LAMB3: variants seen among roughly 807,000 people sequenced by gnomAD.
The protein encoded by LAMB3 is laminin subunit beta 3.
In LAMB3, 104 loss-of-function variants were observed where a neutral mutation model predicts 140.3. The ratio of observed to expected loss-of-function variants is 0.74; its 90% CI spans 0.63 to 0.87. The LOEUF is 0.87. Ranked by LOEUF, LAMB3 falls within the 40% of genes least tolerant of loss-of-function variation. The probability of loss-of-function intolerance (pLI) is 0.00; values close to 1 mark genes in which losing one functional copy is unlikely to be tolerated. For synonymous variants in LAMB3, 592 were observed against 602.9 expected (o/e 0.98, Z 0.26); for missense variants, 1,531 against 1,575.2 (o/e 0.97, Z 0.47).
chr1:209,641,564 T>A (rs969574872), intron 3 of LAMB3, among the ~76,000 whole-genome samples: 1 of 152,128 alleles, frequency 6.6e-6, no homozygotes, highest in South Asian at 2.1e-4. Context: ...TAGGGAAGTA[T>A]GCTAAAGGGT....
chr1:209,629,056 T>G (rs1375862325), intron 10 of LAMB3, among the ~76,000 whole-genome samples: 1 of 152,068 alleles, frequency 6.6e-6, no homozygotes. Flanking sequence ...CAACCCCCAC[T>G]CCCTGACTTC....
intron 3 of LAMB3, among the ~76,000 whole-genome samples, chr1:209,645,421 A>G (rs982313522): frequency 2.6e-5 from 4 of 152,132 alleles, no homozygotes; most frequent in African/African-American, 4.8e-5. Flanking sequence ...GGAAACAAAA[A>G]AGCAGATATT....
chr1:209,630,734 A>G lies in LAMB3; in HGVS notation c.824T>C (p.Val275Ala), dbSNP rs758985269. The change falls in exon 9 of 23, where the codon GTC becomes GCC. Residue 275 changes from valine to alanine, a missense_variant and splice_region_variant. By Grantham distance (64) the Val-to-Ala change is moderately conservative (BLOSUM62 0). Transcript: ENST00000356082. ...GTGCTGGCAGACACAGACATCGTGG[A>G]CCTGGGAGGGGGACCGTCAGCCATC... ...ASAGPSTAVQ[V>A]HDVCVCQHNT... 16 of 1,613,732 alleles carry G rather than the reference A, an allele frequency of 9.9e-6. No homozygotes were observed. The highest frequency in any genetic ancestry group is 1.4e-5 in the Non-Finnish European group (16 of 1,179,982).
At chr1:209,616,665 C>G (rs190847647) in intron 21 of LAMB3, 41 bp from the exon 22 acceptor site, 1 of 1,606,444 alleles carries the variant, frequency 6.2e-7, no homozygotes, top group East Asian at 2.2e-5. Context: ...TGTCATCATG[C>G]AAGGTCCTAA....
rs1205861639 is a variant in LAMB3 at position 209,628,202 on chromosome 1, C to T, written c.1133-12G>A. ...ATCACACTCGCAGGCTGAGAGACAA[C>T]AGCAGCCACCGCAGTAGGAACAAAG... On this transcript the variant is annotated splice_polypyrimidine_tract_variant and intron_variant, in intron 10 of 22. Coordinates refer to ENST00000356082, the MANE Select transcript of LAMB3 (RefSeq NM_000228.3). 1 of 1,553,736 alleles carries T rather than the reference C, an allele frequency of 6.4e-7. No homozygotes were observed. Among genetic ancestry groups the T allele is most frequent in the Non-Finnish European group, 8.7e-7 (1 of 1,148,186 alleles).
chr1:209,619,573 C>G (rs909409677), intron 18 of LAMB3, among the ~76,000 whole-genome samples: 1 of 152,208 alleles, frequency 6.6e-6, no homozygotes, highest in African/African-American at 2.4e-5. Flanking sequence ...TGAAACAATC[C>G]ATTTGCAAGA....
intron 1 of LAMB3, chr1:209,651,261 C>T (rs961294255): frequency 9.3e-6 from 4 of 430,132 alleles, no homozygotes; most frequent in Middle Eastern, 6.9e-4. Context: ...GGAGTGTGGA[C>T]CCTGCCCTAC....
intron 14 of LAMB3, among the ~76,000 whole-genome samples, chr1:209,624,624 G>A (rs1666348546): frequency 6.6e-6 from 1 of 152,210 alleles, no homozygotes; most frequent in South Asian, 2.1e-4. Context: ...CTCCATGCCT[G>A]TGTTTCCAAC....
chr1:209,648,215 C>A (rs1370417621), intron 3 of LAMB3, among the ~76,000 whole-genome samples: 1 of 152,152 alleles, frequency 6.6e-6, no homozygotes, highest in Non-Finnish European at 1.5e-5. Context: ...GCAGTCGGCT[C>A]ATTGCCAAAG....
Position 209,623,468 on chromosome 1 carries a change from T to C in LAMB3, c.2358+37A>G. On this transcript the variant is annotated intron_variant, in intron 16 of 22. Coordinates refer to ENST00000356082, the MANE Select transcript of LAMB3 (RefSeq NM_000228.3). The surrounding 1 kb of genome is among the most constrained non-coding windows in gnomAD (Gnocchi z 4.2). ...AGTTGGTGTGTGACAAGCTGGGGTG[T>C]GGGCTCCAGGAAGTGGGACTCCATG... The C allele has an allele frequency of 6.3e-7, 1 of 1,589,694 alleles. No homozygotes were observed. Among genetic ancestry groups the C allele is most frequent in the East Asian group, 2.2e-5 (1 of 44,748 alleles).
chr1:209,632,599 G>A lies in LAMB3; in HGVS notation c.806C>T (p.Pro269Leu). Reference protein sequence around the residue: ...CAPKPGASAGPSTAVQVHDVC... With the variant: ...CAPKPGASAGLSTAVQVHDVC... ...GGCTGTTACCTGCACAGCGGTGGAG[G>A]GGCCTGCAGAGGCCCCAGGCTTGGG... Residue 269 changes from proline (P) to leucine (L), a missense_variant, in exon 8 of 23, where the codon CCC becomes CTC. By Grantham distance (98) the Pro-to-Leu change is moderately conservative. Transcript: ENST00000356082. 1 of 1,613,962 alleles carries A rather than the reference G, an allele frequency of 6.2e-7. No individual in the cohort carries two copies. Among genetic ancestry groups the A allele is most frequent in the Non-Finnish European group, 8.5e-7 (1 of 1,179,848 alleles).
chr1:209,622,854 T>C (rs977884946), intron 17 of LAMB3, 128 bp downstream of exon 17: 9 of 1,346,608 alleles, frequency 6.7e-6, no homozygotes, highest in Admixed American at 1.7e-5. Flanking sequence ...TTGCACTTGC[T>C]GTGGCACCTT....
intron 12 of LAMB3, 80 bp downstream of exon 12, chr1:209,627,303 G>A: frequency 8.4e-7 from 1 of 1,190,892 alleles, no homozygotes; most frequent in South Asian, 1.3e-5. Flanking sequence ...TAGAAGGGCA[G>A]CATGGAGGGG....
intron 12 of LAMB3, among the ~76,000 whole-genome samples, 179 bp downstream of exon 12, chr1:209,627,204 C>T (rs370580940): frequency 3.9e-5 from 6 of 152,146 alleles, no homozygotes; most frequent in African/African-American, 9.7e-5. Flanking sequence ...GTATTACTGA[C>T]GGCCAAGAGC....
At position 209,629,671 on chromosome 1, in the gene LAMB3, T is replaced by C. The variant is rs1031166218; in HGVS notation, c.1132+66A>G. ...GGTGTGCCCAGGAACATGTACTCTA[T>C]TGTACCCAGAGGAGATGGGGAGTAA... On this transcript the variant is annotated intron_variant, in intron 10 of 22. Coordinates refer to ENST00000356082, the MANE Select transcript of LAMB3 (RefSeq NM_000228.3). The C allele has an allele frequency of 4.4e-5, 66 of 1,492,870 alleles. No individual in the cohort carries two copies. The African/African-American group carries it at 6.8e-4, about 15-fold the overall frequency. 92.5% of individuals were successfully genotyped at this position (1,492,870 alleles called of 1,614,324 possible).
At position 209,623,673 on chromosome 1, in the gene LAMB3, C is replaced by A; in HGVS notation, c.2190G>T (p.Gln730His). 6.2e-7 allele frequency: 1 copy of A among 1,614,204 alleles called. No individual in the cohort carries two copies. Reference protein sequence around the residue: ...TAYEQSAQAAQQVSDSSRLLD... With the variant: ...TAYEQSAQAAHQVSDSSRLLD... ...AAAGGCGCGAGCTGTCGGAGACCTG[C>A]TGAGCAGCCTGGGCTGACTGCTCGT... Residue 730 changes from glutamine to histidine, a missense_variant, in exon 16 of 23, where the codon CAG becomes CAT. Physicochemically the swap from Gln to His is conservative, Grantham distance 24. Transcript: ENST00000356082. The surrounding 1 kb of genome is among the most constrained non-coding windows in gnomAD (Gnocchi z 4.2).
chr1:209,652,091 C>T (rs1010361905), intron 1 of LAMB3, among the ~76,000 whole-genome samples: 1 of 152,134 alleles, frequency 6.6e-6, no homozygotes, highest in African/African-American at 2.4e-5. Context: ...CTGAAAATCC[C>T]CCTGCAAGTA....
rs199980014 is a variant in LAMB3, at chr1:209,617,571, G to A, written c.3067C>T (p.Arg1023Trp). Reference sequence around the variant, plus strand: ...CTTGTCACCAGCTTTTCTGCTGGCCGCAGTACCTGCTGAACCTTTGTGGAA... The same window carrying A: ...CTTGTCACCAGCTTTTCTGCTGGCCACAGTACCTGCTGAACCTTTGTGGAA... The part of the protein sequence containing the change: ...DRVAEVQQVL[R>W]PAEKLVTSMT... Residue 1023 changes from arginine (R) to tryptophan (W), a missense_variant, in exon 21 of 23, where the codon CGG becomes TGG. Transcript: ENST00000356082. 46 of 1,613,872 alleles carry A rather than the reference G, an allele frequency of 2.9e-5. No individual in the cohort carries two copies. In the East Asian group the frequency reaches 3.3e-4, roughly 12 times the overall value.
intron 20 of LAMB3, 53 bp from the exon 21 acceptor site, chr1:209,617,639 G>A: frequency 6.3e-7 from 1 of 1,599,170 alleles, no homozygotes. Context: ...TAGGTCGGGG[G>A]GTTCATCCCC....
Sources: gnomAD v4.1 joint callset for allele counts (sites outside exome capture counted in the v4.1 genomes callset) on GRCh38, gnomAD v4.1.1 for gene constraint, Gnocchi (gnomAD v3.1) non-coding constraint, MANE v1.5 for transcripts, NCBI Gene and HGNC (gene_info 2026-07-23, HGNC 2026-07-21) for gene names.